Variants in CAMK4 observed in about 807,000 individuals in gnomAD.
The protein encoded by CAMK4 is calcium/calmodulin-dependent protein kinase type IV.
CAMK4 carries 22 observed loss-of-function variants against 44.9 expected under a neutral mutation model. The ratio of observed to expected loss-of-function variants is 0.49; its 90% confidence interval spans 0.35 to 0.70. The LOEUF (loss-of-function observed/expected upper bound fraction) is 0.70. Ranked by LOEUF, CAMK4 falls within the 30% of genes least tolerant of loss-of-function variation. The pLI, the probability that CAMK4 is intolerant of heterozygous loss-of-function variation, is 0.01. For missense variants in CAMK4, 498 were observed against 586.8 expected (o/e 0.85, Z 1.56); for synonymous variants, 218 against 215.4 (o/e 1.01, Z -0.11).
intron 5 of CAMK4, among the ~76,000 whole-genome samples, chr5:111,438,175 C>G (rs79617437): frequency 6.6e-6 from 1 of 152,074 alleles, no homozygotes; most frequent in East Asian, 1.9e-4. Flanking sequence ...GCAGGGAGGT[C>G]GAGAGTGCTG....
chr5:111,260,437 C>A (rs1749925557), intron 1 of CAMK4, among the ~76,000 whole-genome samples: 1 of 152,206 alleles, frequency 6.6e-6, no homozygotes, highest in Non-Finnish European at 1.5e-5. Context: ...TCACTGGTTT[C>A]TCTTTCTTCA....
intron 1 of CAMK4, among the ~76,000 whole-genome samples, chr5:111,235,874 G>A (rs1748689620): frequency 6.6e-6 from 1 of 152,170 alleles, no homozygotes; most frequent in East Asian, 1.9e-4. Flanking sequence ...AGGTGGGTGA[G>A]GCAGCTACTC....
intron 7 of CAMK4, among the ~76,000 whole-genome samples, chr5:111,471,116 G>C (rs748294328): frequency 6.6e-6 from 1 of 152,184 alleles, no homozygotes; most frequent in African/African-American, 2.4e-5. Flanking sequence ...GAAGAATCAG[G>C]CTCAGGATTT....
intron 5 of CAMK4, among the ~76,000 whole-genome samples, chr5:111,401,319 A>G (rs1752217497): frequency 6.6e-6 from 1 of 152,148 alleles, no homozygotes; most frequent in African/African-American, 2.4e-5. Flanking sequence ...TTGTATTTTT[A>G]GTAGAGACAG....
At chr5:111,231,476 A>G (rs1422238002) in intron 1 of CAMK4, among the ~76,000 whole-genome samples, 1 of 152,186 alleles carries the variant, frequency 6.6e-6, no homozygotes, top group Non-Finnish European at 1.5e-5. Flanking sequence ...AAACATTGTC[A>G]AATGTGTCCC....
intron 8 of CAMK4, among the ~76,000 whole-genome samples, chr5:111,474,347 G>T (rs1200666995): frequency 6.6e-6 from 1 of 152,224 alleles, no homozygotes; most frequent in African/African-American, 2.4e-5. Flanking sequence ...CAGAGTGTCA[G>T]CACAGTCAGC....
intron 5 of CAMK4, among the ~76,000 whole-genome samples, chr5:111,427,833 A>G (rs974277988): frequency 3.3e-5 from 5 of 152,254 alleles, no homozygotes; most frequent in African/African-American, 1.2e-4. Context: ...AGGGAAGGTT[A>G]CAAGCCTGGA....
chr5:111,297,933 T>C (rs1172965447), intron 1 of CAMK4, among the ~76,000 whole-genome samples: 1 of 152,236 alleles, frequency 6.6e-6, no homozygotes, highest in Non-Finnish European at 1.5e-5. Context: ...TTGCGTATTT[T>C]AACATTTCTC....
chr5:111,381,853 A>G (rs1482358100), intron 4 of CAMK4, among the ~76,000 whole-genome samples: 4 of 152,164 alleles, frequency 2.6e-5, no homozygotes, highest in Admixed American at 2.6e-4. Context: ...ACACTAATGT[A>G]TTTTCCTGAT....
chr5:111,330,099 C>T (rs1749099147), intron 1 of CAMK4, among the ~76,000 whole-genome samples: 1 of 137,074 alleles, frequency 7.3e-6, no homozygotes, highest in African/African-American at 2.6e-5. Context: ...ACCACCCCTA[C>T]AAAAAAACAA....
chr5:111,273,406 A>C (rs897886189), intron 1 of CAMK4, among the ~76,000 whole-genome samples: 1 of 151,810 alleles, frequency 6.6e-6, no homozygotes, highest in African/African-American at 2.4e-5. Flanking sequence ...TGCAGATTGT[A>C]AGATTCCAAA....
At chr5:111,454,657 A>AAG (rs770228246) in intron 7 of CAMK4, among the ~76,000 whole-genome samples, 2 of 151,526 alleles carry the variant, frequency 1.3e-5, no homozygotes, top group Non-Finnish European at 2.9e-5. Context: ...CAAAAAAAAA[A>AAG]AAAAAAGAAA....
chr5:111,334,581 A>T (rs1333791350), intron 1 of CAMK4, among the ~76,000 whole-genome samples: 2 of 151,630 alleles, frequency 1.3e-5, no homozygotes, highest in Non-Finnish European at 3.0e-5. Context: ...AATAATTCAT[A>T]TAACCTAAAA....
At chr5:111,388,978 C>A (rs1451679747) in intron 4 of CAMK4, among the ~76,000 whole-genome samples, 1 of 152,192 alleles carries the variant, frequency 6.6e-6, no homozygotes, top group Non-Finnish European at 1.5e-5. Flanking sequence ...GACATTCCCA[C>A]AAGAACATAT....
At chr5:111,311,937 C>G (rs1748222679) in intron 1 of CAMK4, among the ~76,000 whole-genome samples, 1 of 152,040 alleles carries the variant, frequency 6.6e-6, no homozygotes, top group African/African-American at 2.4e-5. Flanking sequence ...TGCCAGATCT[C>G]TTGGTATGTG....
chr5:111,274,116 C>T (rs1750659164), intron 1 of CAMK4, among the ~76,000 whole-genome samples: 1 of 151,984 alleles, frequency 6.6e-6, no homozygotes. Context: ...CACAAACCCA[C>T]CTGTCTCCTT....
Position 111,492,860 on chromosome 5 carries a change from G to A in CAMK4, c.*8394G>A, listed in dbSNP as rs544676579. On this transcript the variant is annotated 3_prime_UTR_variant, in exon 11 of 11. Transcript: ENST00000282356. ...ATATAACCTATGCTGCATTTAGGCA[G>A]ATGATAAGCCCTAGGAATGGAAAGA... 6.6e-6 allele frequency: 1 copy of A among 152,296 alleles called. No individual in the cohort carries two copies. The highest frequency in any genetic ancestry group is 2.4e-5 in the African/African-American group (1 of 41,566). The allele number at this position is 152,296 out of a possible 1,614,324, so 9.4% of individuals were successfully genotyped here. A position where few individuals can be genotyped will look rare whatever the true frequency, so the allele number is the denominator to read the frequency against.
chr5:111,338,198 C>G (rs1402915148), intron 1 of CAMK4, among the ~76,000 whole-genome samples: 1 of 151,100 alleles, frequency 6.6e-6, no homozygotes, highest in East Asian at 1.9e-4. Context: ...AGCTAAATAA[C>G]ATATGAATTA....
Position 111,484,450 on chromosome 5 carries a change from T to A in CAMK4, c.1406T>A (p.Ile469Asn). 6.6e-7 allele frequency: 1 copy of A among 1,520,976 alleles called. No individual in the cohort carries two copies. The highest frequency in any genetic ancestry group is 1.3e-5 in the South Asian group (1 of 74,754). The allele number at this position is 1,520,976 out of a possible 1,614,324, so 94.2% of individuals were successfully genotyped here. The stretch of plus-strand genomic sequence containing the variant: ...TTTGAAGTTCCACAGCAAGATGTGA[T>A]CCTGCCAGAGTACTAAACAGCTTCC... ...VGFEVPQQDV[I>N]LPEY Residue 469 changes from isoleucine (I) to asparagine (N), a missense_variant, in exon 11 of 11, where the codon ATC (isoleucine) becomes AAC (asparagine). Ile to Asn is a moderately radical substitution (Grantham distance 149, BLOSUM62 -3). This residue lies in a region of CAMK4 where 143 missense variants were observed against 144.9 expected (regional missense o/e 0.99). Coordinates refer to ENST00000282356, the MANE Select transcript of CAMK4 (RefSeq NM_001744.6). This position sits in a 1 kb window ranked among gnomAD's most constrained non-coding sequence, Gnocchi z 5.3.
Sources: allele counts gnomAD v4.1 joint callset (sites outside exome capture counted in the v4.1 genomes callset), GRCh38; gene constraint gnomAD v4.1.1; regional missense constraint gnomAD v4.1.1; non-coding constraint Gnocchi (gnomAD v3.1); transcripts MANE v1.5; gene names NCBI Gene and HGNC (gene_info 2026-07-23, HGNC 2026-07-21).